Variants in ADARB2 observed in about 807,000 individuals in gnomAD.
ADARB2 encodes adenosine deaminase RNA specific B2 (inactive), also known as inactive double-stranded RNA-specific editase B2.
Under a neutral mutation model 62.2 loss-of-function variants are expected in ADARB2, and 25 were observed. That is an observed-to-expected ratio of 0.40 (90% CI 0.29 to 0.56). The LOEUF (loss-of-function observed/expected upper bound fraction) is 0.56. Among genes scored for constraint, ADARB2 ranks in the 20% least tolerant of loss-of-function variants. ADARB2 has a pLI of 0.43. For synonymous variants in ADARB2, 572 were observed against 500.8 expected, an observed-to-expected ratio of 1.14 and a Z score of -1.90; for missense variants, 1,071 against 1,077.4, an observed-to-expected ratio of 0.99 and a Z score of 0.08.
chr10:1,313,341 G>A (rs982601835), intron 3 of ADARB2, among the ~76,000 whole-genome samples: 1 of 152,226 alleles, frequency 6.6e-6, no homozygotes, highest in Non-Finnish European at 1.5e-5. Flanking sequence ...CACAGCCAGG[G>A]GTGTCCTGCT....
chr10:1,547,222 C>G (rs1318923448), intron 1 of ADARB2, among the ~76,000 whole-genome samples: 1 of 141,628 alleles, frequency 7.1e-6, no homozygotes, highest in Admixed American at 7.0e-5. Context: ...AGAGGCTGTG[C>G]AAGTCTATGC....
At chr10:1,553,960 C>T (rs1445772285) in intron 1 of ADARB2, among the ~76,000 whole-genome samples, 4 of 152,192 alleles carry the variant, frequency 2.6e-5, no homozygotes, top group Non-Finnish European at 4.4e-5. Flanking sequence ...GCCTGTAAAC[C>T]GGAGTCCAGA....
intron 1 of ADARB2, among the ~76,000 whole-genome samples, chr10:1,399,142 A>G (rs1588244232): frequency 6.6e-6 from 1 of 152,074 alleles, no homozygotes; most frequent in Admixed American, 6.6e-5. Flanking sequence ...CAGAGGAAAC[A>G]CCCTGACTCC....
At chr10:1,590,943 A>C (rs1833244182) in intron 1 of ADARB2, among the ~76,000 whole-genome samples, 1 of 152,246 alleles carries the variant, frequency 6.6e-6, no homozygotes, top group African/African-American at 2.4e-5. Context: ...CTGAGGCCAC[A>C]GGCGTGCTAC....
At chr10:1,233,071 T>C (rs1830824841) in intron 6 of ADARB2, among the ~76,000 whole-genome samples, 1 of 152,060 alleles carries the variant, frequency 6.6e-6, no homozygotes, top group South Asian at 2.1e-4. Flanking sequence ...ATGTCAAGGG[T>C]GGCTTCAAGG....
chr10:1,412,326 T>C (rs564380892), intron 1 of ADARB2, among the ~76,000 whole-genome samples: 10 of 152,152 alleles, frequency 6.6e-5, no homozygotes, highest in Non-Finnish European at 1.2e-4. Flanking sequence ...GTTTACTGTA[T>C]CGCCTTGAAG....
At chr10:1,289,572 C>T (rs115610091) in intron 3 of ADARB2, among the ~76,000 whole-genome samples, 4 of 152,366 alleles carry the variant, frequency 2.6e-5, no homozygotes, top group African/African-American at 7.2e-5. Flanking sequence ...GTGCTCCTGA[C>T]GGGCAGACCC....
In ADARB2 at chr10:1,732,314, C is replaced by CAAAA. The variant is rs4002272; in HGVS notation, c.100+4733_100+4736dup. Among the ~76,000 whole-genome samples, 567 of 105,578 alleles carry CAAAA rather than the reference C, an allele frequency of 5.4e-3. 5 individuals are homozygous for CAAAA. The highest frequency in any genetic ancestry group is 0.017 in the African/African-American group (484 of 29,086). 69.3% of individuals were successfully genotyped at this position (105,578 alleles called of 152,430 possible). A position where few individuals can be genotyped will look rare whatever the true frequency, so the allele number is the denominator to read the frequency against. On this transcript the variant is annotated intron_variant, in intron 1 of 9. Coordinates refer to ENST00000381312, the MANE Select transcript of ADARB2 (RefSeq NM_018702.4). ...GGGCATAAGTTATCTTTTCATGCCT[C>CAAAA]AAAAAAAAAAAAAAAATTTCCTTTT...
intron 1 of ADARB2, among the ~76,000 whole-genome samples, chr10:1,643,838 T>A (rs776465842): frequency 6.6e-6 from 1 of 152,160 alleles, no homozygotes; most frequent in African/African-American, 2.4e-5. Flanking sequence ...CTGAGAATGA[T>A]TGGAGCCTGC....
At chr10:1,481,388 G>C (rs1308759446) in intron 1 of ADARB2, among the ~76,000 whole-genome samples, 2 of 152,160 alleles carry the variant, frequency 1.3e-5, no homozygotes, top group African/African-American at 4.8e-5. Context: ...ATGACACTGG[G>C]TTTGGCACTG....
At position 1,222,863 on chromosome 10, in the gene ADARB2, T is replaced by C. The variant is rs1830707170; in HGVS notation, c.1514-5744A>G. On this transcript the variant is annotated intron_variant, in intron 6 of 9. Transcript: ENST00000381312. ...GTCAGGTAGCATGATGCCTCCAGCTTTGTTCTTTTGGCTTAGGATTGACTT... is the reference window on the plus strand; with the variant it reads ...GTCAGGTAGCATGATGCCTCCAGCTCTGTTCTTTTGGCTTAGGATTGACTT... 2.6e-5 allele frequency among the ~76,000 whole-genome samples: 4 copies of C among 151,274 alleles called. No homozygotes were observed. In the South Asian group the frequency reaches 8.3e-4, roughly 31 times the overall value.
chr10:1,266,511 TGG>T lies in ADARB2; in HGVS notation c.1192+4442_1192+4443del, dbSNP rs782182369. Among the ~76,000 whole-genome samples, 339 of 128,552 alleles carry T rather than the reference TGG, an allele frequency of 2.6e-3. 2 individuals are homozygous for T. The highest frequency in any genetic ancestry group is 7.0e-3 in the African/African-American group (224 of 31,918). The allele number at this position is 128,552 out of a possible 152,430, so 84.3% of individuals were successfully genotyped here. The stretch of plus-strand genomic sequence containing the variant: ...ACCTCATTGGCGCTGTGGTGGGGGG[TGG>T]GGGGGGGGCCGTGCCCACAAATCCT... On this transcript the variant is annotated intron_variant, in intron 4 of 9. Coordinates refer to ENST00000381312, the MANE Select transcript of ADARB2 (RefSeq NM_018702.4).
chr10:1,570,727 A>G (rs1167218643), intron 1 of ADARB2, among the ~76,000 whole-genome samples: 2 of 152,146 alleles, frequency 1.3e-5, no homozygotes, highest in Admixed American at 6.6e-5. Flanking sequence ...GTGCTTCGGA[A>G]AGGCATGGGG....
chr10:1,723,624 C>T (rs995935659), intron 1 of ADARB2, among the ~76,000 whole-genome samples: 2 of 152,184 alleles, frequency 1.3e-5, no homozygotes, highest in Admixed American at 1.3e-4. Context: ...GAACGGTCCG[C>T]TTGCCACCTG....
intron 5 of ADARB2, among the ~76,000 whole-genome samples, chr10:1,234,415 C>T (rs1376717911): frequency 2.0e-5 from 3 of 152,174 alleles, no homozygotes; most frequent in African/African-American, 7.2e-5. Context: ...CTTACCCCCG[C>T]CTTGACATTT....
intron 1 of ADARB2, among the ~76,000 whole-genome samples, chr10:1,661,220 T>C (rs1834243101): frequency 6.6e-6 from 1 of 152,178 alleles, no homozygotes; most frequent in African/African-American, 2.4e-5. Flanking sequence ...CCTTTCTTCT[T>C]TCTTTAACTC....
At chr10:1,544,589 T>C (rs1460611176) in intron 1 of ADARB2, among the ~76,000 whole-genome samples, 1 of 152,040 alleles carries the variant, frequency 6.6e-6, no homozygotes, top group Non-Finnish European at 1.5e-5. Context: ...AGGAGGATAA[T>C]GCCGGGGCCT....
intron 1 of ADARB2, among the ~76,000 whole-genome samples, chr10:1,636,898 A>G (rs1833923425): frequency 6.7e-6 from 1 of 148,978 alleles, no homozygotes; most frequent in South Asian, 2.1e-4. Flanking sequence ...TGATATATAT[A>G]TCTATTTCTA....
chr10:1,523,127 C>G (rs370569234), intron 1 of ADARB2, among the ~76,000 whole-genome samples: 2 of 152,098 alleles, frequency 1.3e-5, no homozygotes, highest in African/African-American at 4.8e-5. Flanking sequence ...AATCCAAAAT[C>G]GACAATGGCT....
Sources: allele counts gnomAD v4.1 joint callset (sites outside exome capture counted in the v4.1 genomes callset), GRCh38; gene constraint gnomAD v4.1.1; transcripts MANE v1.5; gene names NCBI Gene and HGNC (gene_info 2026-07-23, HGNC 2026-07-21).